Variants in NRTN observed in about 807,000 individuals in gnomAD.
NRTN encodes the protein neurturin.
A neutral mutation model predicts 7.5 loss-of-function variants in NRTN; 3 were observed. The ratio of observed to expected loss-of-function variants is 0.40; its 90% CI spans 0.18 to 1.03. NRTN has a LOEUF of 1.03. NRTN is among the 50% of genes least tolerant of loss of function. The pLI is 0.34. For missense variants in NRTN, 310 were observed against 307.0 expected, an observed-to-expected ratio of 1.01 and a Z score of -0.07; for synonymous variants, 157 against 146.6, an observed-to-expected ratio of 1.07 and a Z score of -0.51.
intron 1 of NRTN, among the ~76,000 whole-genome samples, chr19:5,819,746 G>A (rs1378590975): frequency 1.3e-5 from 2 of 152,072 alleles, no homozygotes; most frequent in Non-Finnish European, 2.9e-5. Flanking sequence ...TACTTGGGAG[G>A]CTGAGGTGGG....
At chr19:5,808,387 GCAGCCTGGC>G (rs993728212) in intron 1 of NRTN, among the ~76,000 whole-genome samples, 2 of 152,200 alleles carry the variant, frequency 1.3e-5, no homozygotes, top group African/African-American at 4.8e-5. Context: ...CAGCCCTGGG[GCAGCCTGGC>G]CAGCCCCAAG....
chr19:5,828,288 C>G lies in NRTN; in HGVS notation c.*115C>G, dbSNP rs1026282350. ...CACGCCGGCGCGGCCCCGGGACTCT[C>G]GCGATAACTGTACTGAGATAAAGTG... On this transcript the variant is annotated 3_prime_UTR_variant, in exon 3 of 3. Transcript: ENST00000303212. 2 of 1,179,530 alleles carry G rather than the reference C, an allele frequency of 1.7e-6. No individual in the cohort carries two copies. Among genetic ancestry groups the G allele is most frequent in the Non-Finnish European group, 2.3e-6 (2 of 866,222 alleles). 73.1% of individuals were successfully genotyped at this position (1,179,530 alleles called of 1,614,324 possible).
chr19:5,825,939 TCTGG>T (rs1183649025), intron 2 of NRTN, among the ~76,000 whole-genome samples: 1 of 152,066 alleles, frequency 6.6e-6, no homozygotes, highest in Non-Finnish European at 1.5e-5. Context: ...TGGAGACCAT[TCTGG>T]CTAACACTGT....
intron 1 of NRTN, among the ~76,000 whole-genome samples, chr19:5,813,636 T>G (rs920942510): frequency 9.3e-5 from 14 of 150,452 alleles, no homozygotes; most frequent in African/African-American, 3.2e-4. Flanking sequence ...ATCATGCCAC[T>G]GCACTCCAGC....
chr19:5,826,835 G>A (rs575211192), intron 2 of NRTN, among the ~76,000 whole-genome samples: 1 of 152,210 alleles, frequency 6.6e-6, no homozygotes, highest in African/African-American at 2.4e-5. Context: ...CCTGGCGAGT[G>A]TGGGAGAAAG....
rs2057048596 is a variant in NRTN at position 5,826,896 on chromosome 19, C to A, written c.170-853C>A. ...TGAACGATGAAGGCAGGAAGAATGA[C>A]CTTTAAGCCCGCCTCTGTCGCTCTC... On this transcript the variant is annotated intron_variant, in intron 2 of 2. Coordinates refer to ENST00000303212, the MANE Select transcript of NRTN (RefSeq NM_004558.5). Among the ~76,000 whole-genome samples, 3 of 152,176 alleles carry A rather than the reference C, an allele frequency of 2.0e-5. No homozygotes were observed. In the South Asian group the frequency reaches 6.2e-4, roughly 31 times the overall value.
intron 1 of NRTN, among the ~76,000 whole-genome samples, chr19:5,821,625 A>ATTCATTCG (rs1356903411): frequency 7.0e-6 from 1 of 143,684 alleles, no homozygotes; most frequent in Non-Finnish European, 1.5e-5. Context: ...CTTTGTGTTC[A>ATTCATTCG]TTCATTCATT....
chr19:5,827,698 CCACCCCCTG>C (rs1443163327), intron 2 of NRTN, 42 bp from the exon 3 acceptor site: 2 of 655,888 alleles, frequency 3.0e-6, no homozygotes, highest in African/African-American at 2.0e-5. Flanking sequence ...GGGCTCCCTC[CCACCCCCTG>C]CACCCACTGA....
At chr19:5,817,545 AAGGAAAT>A (rs1429880404) in intron 1 of NRTN, among the ~76,000 whole-genome samples, 17 of 133,696 alleles carry the variant, frequency 1.3e-4, no homozygotes, top group Non-Finnish European at 2.8e-4. Flanking sequence ...AAGAAAGAGA[AAGGAAAT>A]AGGAAGGAAG....
At chr19:5,820,498 G>A (rs112848283) in intron 1 of NRTN, among the ~76,000 whole-genome samples, 2,324 of 151,048 alleles carry the variant, frequency 0.015, 26 homozygotes, top group Middle Eastern at 0.061. Flanking sequence ...CCCAGGAGGC[G>A]GAGGTTGCAG....
intron 2 of NRTN, among the ~76,000 whole-genome samples, chr19:5,825,004 C>T (rs578241795): frequency 1.6e-4 from 25 of 151,696 alleles, no homozygotes; most frequent in Non-Finnish European, 2.1e-4. Flanking sequence ...GCAGGGGGGG[C>T]GGTGGGAGGA....
At position 5,806,562 on chromosome 19, in the gene NRTN, T is replaced by A. The variant is rs932024880; in HGVS notation, c.-399+1111T>A. Among the ~76,000 whole-genome samples, 1 of 152,008 alleles carries A rather than the reference T, an allele frequency of 6.6e-6. No individual in the cohort carries two copies. Among genetic ancestry groups the A allele is most frequent in the Non-Finnish European group, 1.5e-5 (1 of 68,000 alleles). On this transcript the variant is annotated intron_variant, in intron 1 of 2. Transcript: ENST00000303212. This position sits in a 1 kb window ranked among gnomAD's most constrained non-coding sequence, Gnocchi z 5.4. The stretch of plus-strand genomic sequence containing the variant: ...CAGAGGATGTCAGTGAGGGGCAGGA[T>A]CCCACCCACACTGCCAGCTTCTCCC...
At chr19:5,824,754 C>T (rs2057039317) in intron 2 of NRTN, among the ~76,000 whole-genome samples, 1 of 152,148 alleles carries the variant, frequency 6.6e-6, no homozygotes, top group African/African-American at 2.4e-5. Context: ...TATACTCCAG[C>T]CTGAGCAACA....
Position 5,824,311 on chromosome 19 carries a change from C to A in NRTN, c.146C>A (p.Ala49Asp). Reference protein sequence around the residue: ...PLHRLPRTLDARIARLAQYRA... With the variant: ...PLHRLPRTLDDRIARLAQYRA... ...CACCGCCTGCCTCGAACCCTGGACG[C>A]CCGGATTGCCCGCCTGGCCCAGTGT... The change falls in exon 2 of 3, where the codon GCC (alanine) becomes GAC (aspartate). Residue 49 changes from alanine to aspartate, a missense_variant. Transcript: ENST00000303212. The A allele has an allele frequency of 6.2e-7, 1 of 1,605,382 alleles. No homozygotes were observed. The highest frequency in any genetic ancestry group is 8.5e-7 in the Non-Finnish European group (1 of 1,177,568).
chr19:5,805,478 G>A (rs1296514949), intron 1 of NRTN, among the ~76,000 whole-genome samples, 27 bp downstream of exon 1: 2 of 151,596 alleles, frequency 1.3e-5, no homozygotes, highest in Admixed American at 6.6e-5. Context: ...CGGGGCAGGT[G>A]GGGGGGCAGC....
At chr19:5,825,948 C>T (rs925320824) in intron 2 of NRTN, among the ~76,000 whole-genome samples, 5 of 152,186 alleles carry the variant, frequency 3.3e-5, no homozygotes, top group African/African-American at 1.2e-4. Context: ...TTCTGGCTAA[C>T]ACTGTGAAAC....
At chr19:5,812,172 GTTATTA>G (rs58005663) in intron 1 of NRTN, among the ~76,000 whole-genome samples, 3 of 149,852 alleles carry the variant, frequency 2.0e-5, no homozygotes, top group African/African-American at 5.0e-5. Context: ...GCCGGGCCCA[GTTATTA>G]TTATTATTAT....
Position 5,828,249 on chromosome 19 carries a change from GCGCGTGCGTAGAGCA to G in NRTN, c.*80_*94del. ...CCACTGGCCGGCCCCGCGAAAGACT[GCGCGTGCGTAGAGCA>G]CGCCGGCGCGGCCCCGGGACTCTCG... On this transcript the variant is annotated 3_prime_UTR_variant, in exon 3 of 3. Transcript: ENST00000303212. 1.4e-6 allele frequency: 2 copies of G among 1,468,384 alleles called. No homozygotes were observed. The highest frequency in any genetic ancestry group is 1.8e-6 in the Non-Finnish European group (2 of 1,100,124). 91.0% of individuals were successfully genotyped at this position (1,468,384 alleles called of 1,614,324 possible). A position where few individuals can be genotyped will look rare whatever the true frequency, so the allele number is the denominator to read the frequency against.
intron 1 of NRTN, among the ~76,000 whole-genome samples, chr19:5,815,312 A>G (rs1184662824): frequency 1.3e-5 from 2 of 151,412 alleles, no homozygotes; most frequent in African/African-American, 2.4e-5. Flanking sequence ...TGAGTGTGAA[A>G]ACACCCTGGT....
Sources: gnomAD v4.1 joint callset for allele counts (sites outside exome capture counted in the v4.1 genomes callset) on GRCh38, gnomAD v4.1.1 for gene constraint, Gnocchi (gnomAD v3.1) non-coding constraint, MANE v1.5 for transcripts, NCBI Gene and HGNC (gene_info 2026-07-23, HGNC 2026-07-21) for gene names.